CCDC171: variants seen among roughly 807,000 people sequenced by gnomAD.
CCDC171 encodes coiled-coil domain-containing protein 171.
A neutral mutation model predicts 168.2 loss-of-function variants in CCDC171; 177 were observed. That is an observed-to-expected ratio of 1.05 (90% CI 0.93 to 1.19). CCDC171 has a LOEUF of 1.19. Ranked by LOEUF, CCDC171 falls within the 50% of genes most tolerant of loss-of-function variation. The probability of loss-of-function intolerance (pLI) is 0.00; values close to 1 mark genes in which losing one functional copy is unlikely to be tolerated. For missense variants in CCDC171, 1,991 were observed against 1,539.0 expected (o/e 1.29, Z -4.91); for synonymous variants, 687 against 540.8 (o/e 1.27, Z -3.75).
At chr9:15,598,201 T>C (rs902243877) in intron 6 of CCDC171, among the ~76,000 whole-genome samples, 1 of 152,178 alleles carries the variant, frequency 6.6e-6, no homozygotes, top group Non-Finnish European at 1.5e-5. Context: ...CTTTTGAATG[T>C]GTTTGCTCTT....
intron 3 of CCDC171, among the ~76,000 whole-genome samples, chr9:15,574,879 G>A (rs2040513901): frequency 1.3e-5 from 2 of 152,178 alleles, no homozygotes; most frequent in Admixed American, 1.3e-4. Flanking sequence ...ATAGATTACT[G>A]TTGAAAGGAT....
At chr9:15,942,889 A>G (rs1827888649) in intron 25 of CCDC171, among the ~76,000 whole-genome samples, 1 of 151,994 alleles carries the variant, frequency 6.6e-6, no homozygotes, top group Non-Finnish European at 1.5e-5. Context: ...GTAGAATGGT[A>G]AGTTTAAAAA....
chr9:15,707,635 A>G, intron 11 of CCDC171, among the ~76,000 whole-genome samples: 1 of 152,186 alleles, frequency 6.6e-6, no homozygotes, highest in Non-Finnish European at 1.5e-5. Flanking sequence ...CTTTCCTAGA[A>G]ATGGAGTGTT....
downstream of CCDC171, among the ~76,000 whole-genome samples, chr9:16,062,619 C>G (rs1463920307): frequency 6.6e-6 from 1 of 152,204 alleles, no homozygotes; most frequent in Non-Finnish European, 1.5e-5. Context: ...TTCATTCATT[C>G]CTGCATTCAT....
chr9:16,002,254 A>C (rs1325104375), intron 3 of CCDC171, among the ~76,000 whole-genome samples: 1 of 150,882 alleles, frequency 6.6e-6, no homozygotes, highest in Non-Finnish European at 1.5e-5. Context: ...AGAAGAAGAC[A>C]TTGTTATCAT....
intron 23 of CCDC171, among the ~76,000 whole-genome samples, chr9:15,855,221 G>A (rs1374180520): frequency 6.6e-6 from 1 of 151,608 alleles, no homozygotes; most frequent in African/African-American, 2.4e-5. Flanking sequence ...CTTCAACTTG[G>A]TCAGTTTTGC....
intron 24 of CCDC171, among the ~76,000 whole-genome samples, chr9:15,919,210 A>C (rs1048815694): frequency 6.6e-6 from 1 of 151,670 alleles, no homozygotes. Flanking sequence ...AGAATTTATT[A>C]GGCCAAAAGG....
In CCDC171 at chr9:16,060,453, C is replaced by T. The variant is rs575209174; in HGVS notation, n.90-193C>T. 3.9e-5 allele frequency among the ~76,000 whole-genome samples: 6 copies of T among 152,298 alleles called. No individual in the cohort carries two copies. In the South Asian group the frequency reaches 1.2e-3, roughly 32 times the overall value. Reference sequence around the variant, plus strand: ...AATAACATGATCCTCATAAAACAGACCCCCCAGGCTGGGCCTCAGCCCGCT... The same window carrying T: ...AATAACATGATCCTCATAAAACAGATCCCCCAGGCTGGGCCTCAGCCCGCT... On this transcript the variant is annotated intron_variant and non_coding_transcript_variant, in intron 1 of 1. Coordinates refer to the CCDC171 transcript ENST00000478913.
chr9:15,576,545 A>G (rs887523877), intron 3 of CCDC171, among the ~76,000 whole-genome samples: 7 of 152,120 alleles, frequency 4.6e-5, no homozygotes, highest in Non-Finnish European at 7.3e-5. Context: ...AGTCAAGGAA[A>G]AGGGAGGCTT....
intron 6 of CCDC171, among the ~76,000 whole-genome samples, chr9:15,602,878 A>C (rs921112348): frequency 8.6e-5 from 13 of 152,042 alleles, no homozygotes; most frequent in Non-Finnish European, 1.2e-4. Flanking sequence ...GGCTGGTTTC[A>C]AACTCCTGAC....
intron 23 of CCDC171, among the ~76,000 whole-genome samples, chr9:15,850,559 T>C (rs1433721036): frequency 6.6e-6 from 1 of 152,066 alleles, no homozygotes; most frequent in Non-Finnish European, 1.5e-5. Flanking sequence ...TTTATGTCTT[T>C]AGAAAATTCT....
chr9:15,594,152 G>C lies in CCDC171; in HGVS notation c.655G>C (p.Glu219Gln), dbSNP rs773452671. Residue 219 changes from glutamate to glutamine, a missense_variant, in exon 6 of 26, where the codon GAA (glutamate) becomes CAA (glutamine). Transcript: ENST00000380701. ...AGAACAATGGGAAGCAGAAAGAAGA[G>C]AATTACAATTTATAGTACAGGTATT... The part of the protein sequence containing the change: ...QEEQWEAERR[E>Q]LQFIVQEQDT... 6.9e-7 allele frequency: 1 copy of C among 1,444,340 alleles called. No homozygotes were observed. Among genetic ancestry groups the C allele is most frequent in the South Asian group, 1.2e-5 (1 of 84,428 alleles). 89.5% of individuals were successfully genotyped at this position (1,444,340 alleles called of 1,614,324 possible).
At chr9:15,707,605 T>C (rs774153790) in intron 11 of CCDC171, among the ~76,000 whole-genome samples, 1 of 152,206 alleles carries the variant, frequency 6.6e-6, no homozygotes, top group Non-Finnish European at 1.5e-5. Flanking sequence ...TACTTTACAG[T>C]TATATCTCAA....
rs1315075833 is a variant in CCDC171 at position 15,972,419 on chromosome 9, G to A, written c.*583G>A. 6.6e-6 allele frequency: 1 copy of A among 152,548 alleles called. No individual in the cohort carries two copies. The highest frequency in any genetic ancestry group is 1.5e-5 in the Non-Finnish European group (1 of 68,370). The allele number at this position is 152,548 out of a possible 1,614,324, so 9.4% of individuals were successfully genotyped here. On this transcript the variant is annotated 3_prime_UTR_variant, in exon 26 of 26. Transcript: ENST00000380701. ...CTCCTGGTCAATGTGAGAAGGTCAG[G>A]TTGCTCCTTGTAAAGCTACATGATA...
intron 18 of CCDC171, among the ~76,000 whole-genome samples, chr9:15,754,064 C>T (rs997694271): frequency 2.0e-5 from 3 of 151,974 alleles, no homozygotes; most frequent in African/African-American, 7.3e-5. Context: ...GGTATTTTGA[C>T]AGAAAGGATG....
intron 18 of CCDC171, among the ~76,000 whole-genome samples, chr9:15,753,692 G>A (rs577128854): frequency 6.6e-6 from 1 of 152,240 alleles, no homozygotes; most frequent in South Asian, 2.1e-4. Flanking sequence ...AGATCTGGCT[G>A]TGCCTCTTAC....
At chr9:15,857,750 C>G (rs1187239296) in intron 23 of CCDC171, among the ~76,000 whole-genome samples, 2 of 151,630 alleles carry the variant, frequency 1.3e-5, no homozygotes, top group Non-Finnish European at 2.9e-5. Context: ...CAAGTGATAT[C>G]TGGTTTTCCC....
chr9:16,106,679 T>C, the CCDC171 span, among the ~76,000 whole-genome samples: 4 of 152,252 alleles, frequency 2.6e-5, no homozygotes, highest in African/African-American at 7.2e-5. Context: ...CAAGGGATTG[T>C]TATTTAATTG....
rs554965803 is a variant in CCDC171 at position 15,806,305 on chromosome 9, G to A, written c.3267+21611G>A. Among the ~76,000 whole-genome samples the A allele has an allele frequency of 3.2e-4, 49 of 152,164 alleles. 1 individual carries two copies. Among genetic ancestry groups the A allele is most frequent in the East Asian group, 9.7e-4 (5 of 5,166 alleles). ...TGCTAGATGGTTATTTTTCGGACTC[G>A]TTTATGTGGTTGCTTCGTAGTGGCA... is the stretch of plus-strand genomic sequence containing the variant. On this transcript the variant is annotated intron_variant, in intron 21 of 25. Coordinates refer to ENST00000380701, the MANE Select transcript of CCDC171 (RefSeq NM_173550.4).
Sources: allele counts gnomAD v4.1 joint callset (sites outside exome capture counted in the v4.1 genomes callset), GRCh38; gene constraint gnomAD v4.1.1; transcripts MANE v1.5; gene names NCBI Gene and HGNC (gene_info 2026-07-23, HGNC 2026-07-21).